ITGB1BP1: variants seen among roughly 807,000 people sequenced by gnomAD.
ITGB1BP1 encodes integrin subunit beta 1 binding protein 1, also known as integrin beta-1-binding protein 1.
Under a neutral mutation model 28.0 loss-of-function variants are expected in ITGB1BP1, and 20 were observed. The observed-to-expected ratio is 0.71, with a 90% CI of 0.50 to 1.04. ITGB1BP1 has a LOEUF of 1.04. ITGB1BP1 is among the 50% of genes least tolerant of loss of function. The pLI is 0.00. For synonymous variants in ITGB1BP1, 103 were observed against 89.5 expected (o/e 1.15, Z -0.85); for missense variants, 228 against 242.5 (o/e 0.94, Z 0.40).
chr2:9,414,096 G>T (rs1472458443), intron 3 of ITGB1BP1, 82 bp downstream of exon 3: 6 of 1,126,716 alleles, frequency 5.3e-6, no homozygotes, highest in Non-Finnish European at 8.0e-6. Flanking sequence ...AAATACTGAA[G>T]AACTCATTGT....
chr2:9,422,906 G>C (rs1168392776), intron 1 of ITGB1BP1: 11 of 986,020 alleles, frequency 1.1e-5, no homozygotes, highest in Non-Finnish European at 1.3e-5. Context: ...ATGCGGCCAA[G>C]CTCGGGGCCT....
chr2:9,420,625 G>A (rs1056803846), intron 1 of ITGB1BP1, among the ~76,000 whole-genome samples: 6 of 152,212 alleles, frequency 3.9e-5, no homozygotes, highest in Non-Finnish European at 8.8e-5. Context: ...AATGCCGTGC[G>A]GGTGGAGAGG....
chr2:9,421,896 C>T (rs763306370), intron 1 of ITGB1BP1, among the ~76,000 whole-genome samples: 39 of 152,032 alleles, frequency 2.6e-4, no homozygotes, highest in Non-Finnish European at 4.3e-4. Context: ...TCCTTGCTGT[C>T]CTTCAGGCCC....
intron 1 of ITGB1BP1, 49 bp from the exon 2 acceptor site, chr2:9,418,781 T>C: frequency 7.5e-7 from 1 of 1,324,864 alleles, no homozygotes; most frequent in Non-Finnish European, 1.1e-6. Flanking sequence ...AGCAACTTTT[T>C]TTTTTTTTTT....
At chr2:9,419,159 T>C (rs150964293) in intron 1 of ITGB1BP1, among the ~76,000 whole-genome samples, 173 of 152,388 alleles carry the variant, frequency 1.1e-3, no homozygotes, top group Non-Finnish European at 2.0e-3. Context: ...TTCCCTTGGA[T>C]ACTATTCCTT....
chr2:9,411,158 ATTC>A (rs1678322696), intron 4 of ITGB1BP1, among the ~76,000 whole-genome samples: 1 of 152,036 alleles, frequency 6.6e-6, no homozygotes, highest in Non-Finnish European at 1.5e-5. Context: ...TTTAATTTTC[ATTC>A]TTAATTTTCC....
At chr2:9,408,680 G>C (rs1558422338) in intron 4 of ITGB1BP1, among the ~76,000 whole-genome samples, 1 of 152,008 alleles carries the variant, frequency 6.6e-6, no homozygotes. Flanking sequence ...TCACTATGTT[G>C]CCTTAGGCTG....
intron 3 of ITGB1BP1, among the ~76,000 whole-genome samples, chr2:9,413,959 C>T (rs1045183265): frequency 1.3e-5 from 2 of 152,128 alleles, no homozygotes; most frequent in African/African-American, 4.8e-5. Context: ...TGCCCATGTG[C>T]CTGTGCCAAT....
chr2:9,420,880 G>A (rs887007741), intron 1 of ITGB1BP1, among the ~76,000 whole-genome samples: 7 of 152,198 alleles, frequency 4.6e-5, no homozygotes, highest in Non-Finnish European at 7.3e-5. Context: ...GCCAGATAGC[G>A]AACTAACTCC....
intron 3 of ITGB1BP1, among the ~76,000 whole-genome samples, chr2:9,413,093 G>C (rs534325448): frequency 3.4e-4 from 52 of 152,096 alleles, no homozygotes; most frequent in Admixed American, 4.6e-4. Context: ...CCATATTAAG[G>C]AAATACTATA....
intron 5 of ITGB1BP1, 69 bp from the exon 6 acceptor site, chr2:9,407,667 C>A: frequency 6.4e-7 from 1 of 1,555,994 alleles, no homozygotes; most frequent in Non-Finnish European, 8.8e-7. Flanking sequence ...ATGACACACC[C>A]TCCCAGGCAG....
intron 4 of ITGB1BP1, chr2:9,408,522 T>G (rs13020173): frequency 0.3 from 68,438 of 227,068 alleles, 11,830 homozygotes; most frequent in Non-Finnish European, 0.38. Flanking sequence ...GTATTTTTAG[T>G]ACAGATGGGG....
chr2:9,409,496 T>A (rs912974833), intron 4 of ITGB1BP1, among the ~76,000 whole-genome samples: 2 of 152,204 alleles, frequency 1.3e-5, no homozygotes, highest in African/African-American at 4.8e-5. Context: ...AAAATAATGC[T>A]AGTGTATTTT....
chr2:9,408,015 T>G, intron 5 of ITGB1BP1, 98 bp downstream of exon 5: 1 of 706,398 alleles, frequency 1.4e-6, no homozygotes, highest in Non-Finnish European at 2.5e-6. Flanking sequence ...AACCAATCAC[T>G]CTGCAAACAG....
Position 9,406,923 on chromosome 2 carries a change from TAGAGTAAG to T in ITGB1BP1, c.532-26_532-19del. 1 of 1,579,040 alleles carries T rather than the reference TAGAGTAAG, an allele frequency of 6.3e-7. No homozygotes were observed. The highest frequency in any genetic ancestry group is 8.7e-7 in the Non-Finnish European group (1 of 1,148,012). ...GCTTGTTCCTACATTACATGAAAGA[TAGAGTAAG>T]AGCAACATTCATCTGTCTCTTCGTG... On this transcript the variant is annotated intron_variant, in intron 6 of 6. Coordinates refer to ENST00000355346, the MANE Select transcript of ITGB1BP1 (RefSeq NM_004763.5).
In ITGB1BP1 at chr2:9,406,871, G is replaced by C. The variant is rs1366085084; in HGVS notation, c.566C>G (p.Thr189Ser). The part of the protein sequence containing the change: ...QAQAICKVLS[T>S]AFDSVLTSEK... ...AGATGTTAATACAGAGTCAAAAGCG[G>C]TGGATAAAACCTTGCAAATGGCTTG... The change falls in exon 7 of 7, where the codon ACC (threonine) becomes AGC (serine). Residue 189 changes from threonine to serine, a missense_variant. Physicochemically the swap from Thr to Ser is moderately conservative, Grantham distance 58. Transcript: ENST00000355346. The C allele has an allele frequency of 6.2e-7, 1 of 1,613,436 alleles. No homozygotes were observed.
chr2:9,406,967 G>A lies in ITGB1BP1; in HGVS notation c.532-62C>T, dbSNP rs1677498517. 4 of 1,229,638 alleles carry A rather than the reference G, an allele frequency of 3.3e-6. No individual in the cohort carries two copies. The East Asian group carries it at 9.3e-5, about 29-fold the overall frequency. The allele number at this position is 1,229,638 out of a possible 1,614,324, so 76.2% of individuals were successfully genotyped here. ...ATCTGTCTCTTCGTGAACTTAATTT[G>A]GCTAGCAGAGGCACACACCTGACCC... On this transcript the variant is annotated intron_variant, in intron 6 of 6. Coordinates refer to ENST00000355346, the MANE Select transcript of ITGB1BP1 (RefSeq NM_004763.5).
Position 9,405,000 on chromosome 2 carries a change from T to C in ITGB1BP1, c.*1834A>G, listed in dbSNP as rs1304489552. 1.3e-5 allele frequency: 2 copies of C among 152,610 alleles called. No homozygotes were observed. Among genetic ancestry groups the C allele is most frequent in the South Asian group, 2.1e-4 (1 of 4,832 alleles). 9.5% of individuals were successfully genotyped at this position (152,610 alleles called of 1,614,324 possible). Reference sequence around the variant, plus strand: ...AGATGTATTTTGCACAGTGCACTTATGTCTATTTTAACAATCCTCCTGCAT... The same window carrying C: ...AGATGTATTTTGCACAGTGCACTTACGTCTATTTTAACAATCCTCCTGCAT... On this transcript the variant is annotated 3_prime_UTR_variant, in exon 7 of 7. Coordinates refer to ENST00000355346, the MANE Select transcript of ITGB1BP1 (RefSeq NM_004763.5).
intron 4 of ITGB1BP1, 31 bp downstream of exon 4, chr2:9,412,238 A>T: frequency 6.3e-7 from 1 of 1,584,854 alleles, no homozygotes; most frequent in African/African-American, 1.3e-5. Context: ...GACTCTCATA[A>T]CCAGAGAGTT....
Sources: allele counts gnomAD v4.1 joint callset (sites outside exome capture counted in the v4.1 genomes callset), GRCh38; gene constraint gnomAD v4.1.1; transcripts MANE v1.5; gene names NCBI Gene and HGNC (gene_info 2026-07-23, HGNC 2026-07-21).